The following PCDHGA12 variants were observed in gnomAD, a reference collection of about 807,000 sequenced individuals.
PCDHGA12 encodes the protein protocadherin gamma subfamily A, 12, also known as protocadherin gamma-A12.
In PCDHGA12, 43 loss-of-function variants were observed where a neutral mutation model predicts 61.1. The observed-to-expected ratio is 0.70, with a 90% CI of 0.55 to 0.91. PCDHGA12 has a LOEUF of 0.91. Among genes scored for constraint, PCDHGA12 ranks in the 40% least tolerant of loss-of-function variants. The pLI, the probability that PCDHGA12 is intolerant of heterozygous loss-of-function variation, is 0.00. For missense variants in PCDHGA12, 1,236 were observed against 1,227.7 expected (o/e 1.01, Z -0.10); for synonymous variants, 520 against 542.9 (o/e 0.96, Z 0.59).
chr5:141,445,305 T>C (rs899306819), intron 1 of PCDHGA12, among the ~76,000 whole-genome samples: 2 of 152,204 alleles, frequency 1.3e-5, no homozygotes, highest in Non-Finnish European at 1.5e-5. Context: ...TCTCTTCAGT[T>C]TGTAGGTTGA....
At chr5:141,474,252 A>T (rs1381172188) in intron 1 of PCDHGA12, among the ~76,000 whole-genome samples, 1 of 152,200 alleles carries the variant, frequency 6.6e-6, no homozygotes, top group Non-Finnish European at 1.5e-5. Flanking sequence ...GGAAAAAAAG[A>T]CTGATAAACC....
At chr5:141,447,238 C>G (rs1028683423) in intron 1 of PCDHGA12, among the ~76,000 whole-genome samples, 2 of 152,148 alleles carry the variant, frequency 1.3e-5, no homozygotes, top group Non-Finnish European at 2.9e-5. Context: ...CTCCCGGGTT[C>G]AAGTGATTCT....
At chr5:141,437,338 C>T (rs1328789308) in intron 1 of PCDHGA12, among the ~76,000 whole-genome samples, 1 of 152,196 alleles carries the variant, frequency 6.6e-6, no homozygotes, top group Non-Finnish European at 1.5e-5. Flanking sequence ...TGTAGCTTCA[C>T]TGTTTTATAG....
At chr5:141,463,168 T>C (rs74924211) in intron 1 of PCDHGA12, among the ~76,000 whole-genome samples, 6,974 of 152,254 alleles carry the variant, frequency 0.046, 178 homozygotes, top group Middle Eastern at 0.082. Context: ...GTGCACTCTA[T>C]GTATGCTCAG....
In PCDHGA12 at chr5:141,487,218, C is replaced by G. The variant is rs2099641338; in HGVS notation, c.2425-7589C>G. The stretch of plus-strand genomic sequence containing the variant: ...CCAGATCTTCGAGAATCTTCAGCTC[C>G]AAGGGAAGGAGAATCTCGTCTAACC... On this transcript the variant is annotated intron_variant, in intron 1 of 3. Transcript: ENST00000252085. The surrounding 1 kb of genome is among the most constrained non-coding windows in gnomAD (Gnocchi z 5.0). 1 of 1,613,820 alleles carries G rather than the reference C, an allele frequency of 6.2e-7. No homozygotes were observed. The highest frequency in any genetic ancestry group is 1.1e-5 in the South Asian group (1 of 91,078).
At chr5:141,505,536 C>T (rs749205049) in intron 3 of PCDHGA12, 55 bp downstream of exon 3, 9 of 1,610,164 alleles carry the variant, frequency 5.6e-6, no homozygotes, top group Non-Finnish European at 7.6e-6. Context: ...TTCTGGGGTG[C>T]ATCTCACAGC....
rs560662076 is a variant in PCDHGA12, at chr5:141,498,856, C to A, written c.2483+3991C>A. Among the ~76,000 whole-genome samples, 72 of 152,004 alleles carry A rather than the reference C, an allele frequency of 4.7e-4. 2 individuals carry two copies. Among genetic ancestry groups the A allele is most frequent in the African/African-American group, 1.7e-3 (69 of 41,430 alleles). ...GCTGAGGCAGGGGAATCGCTTGAACCCAGGAGGCGGAGGTTGCAGTGAGCT... is the reference window on the plus strand; with the variant it reads ...GCTGAGGCAGGGGAATCGCTTGAACACAGGAGGCGGAGGTTGCAGTGAGCT... On this transcript the variant is annotated intron_variant, in intron 2 of 3. Coordinates refer to ENST00000252085, the MANE Select transcript of PCDHGA12 (RefSeq NM_003735.3).
At chr5:141,435,054 C>A (rs891988253) in intron 1 of PCDHGA12, among the ~76,000 whole-genome samples, 7 of 151,964 alleles carry the variant, frequency 4.6e-5, no homozygotes, top group Admixed American at 1.3e-4. Context: ...ATTGACCATG[C>A]AGCAGTTTTG....
chr5:141,482,248 C>G (rs1056466272), intron 1 of PCDHGA12, among the ~76,000 whole-genome samples: 1 of 152,084 alleles, frequency 6.6e-6, no homozygotes, highest in African/African-American at 2.4e-5. Context: ...AAGTATAGTA[C>G]TGTACATATT....
Position 141,487,779 on chromosome 5 carries a change from T to C in PCDHGA12, c.2425-7028T>C, listed in dbSNP as rs1269811316. On this transcript the variant is annotated intron_variant, in intron 1 of 3. Coordinates refer to ENST00000252085, the MANE Select transcript of PCDHGA12 (RefSeq NM_003735.3). This position sits in a 1 kb window ranked among gnomAD's most constrained non-coding sequence, Gnocchi z 5.0. ...GTAGACGCTGTGCTTTGTAACTGTT[T>C]CGTGAATTAACCAGAGTTGTCACAG... is the stretch of plus-strand genomic sequence containing the variant. 2.6e-6 allele frequency: 4 copies of C among 1,530,492 alleles called. No individual in the cohort carries two copies. The highest frequency in any genetic ancestry group is 2.6e-6 in the Non-Finnish European group (3 of 1,133,212). The allele number at this position is 1,530,492 out of a possible 1,614,324, so 94.8% of individuals were successfully genotyped here. A position where few individuals can be genotyped will look rare whatever the true frequency, so the allele number is the denominator to read the frequency against.
chr5:141,432,215 C>T lies in PCDHGA12; in HGVS notation c.1456C>T (p.Gln486Ter). The T allele has an allele frequency of 1.9e-6, 3 of 1,614,228 alleles. No individual in the cohort carries two copies. The highest frequency in any genetic ancestry group is 2.5e-6 in the Non-Finnish European group (3 of 1,180,036). The stretch of plus-strand genomic sequence containing the variant: ...CGACCCCGACTGTGAAGAGAACGCC[C>T]AGATCACTTATTCCCTGGCTGAGAA... ...AHDPDCEENAQITYSLAENTI... is the reference protein window; with the variant it reads ...AHDPDCEENA Residue 486 changes from glutamine to a stop codon, truncating the protein, a stop_gained, in exon 1 of 4, where the codon CAG (glutamine) becomes TAG (stop). Transcript: ENST00000252085. LOFTEE classifies it high-confidence loss of function. This position sits in a 1 kb window ranked among gnomAD's most constrained non-coding sequence, Gnocchi z 6.0.
rs777487681 is a variant in PCDHGA12, at chr5:141,432,809, T to C, written c.2050T>C (p.Ser684Pro). 2.5e-6 allele frequency: 4 copies of C among 1,613,280 alleles called. No individual in the cohort carries two copies. In the African/African-American group the frequency reaches 5.4e-5, roughly 22 times the overall value. ...DLGSLESPAN[S>P]ETSDLTLYLV... The stretch of plus-strand genomic sequence containing the variant: ...CGGCAGCCTCGAGTCTCCAGCTAAC[T>C]CTGAAACCTCAGACCTCACTCTGTA... Residue 684 changes from serine (S) to proline (P), a missense_variant, in exon 1 of 4, where the codon TCT becomes CCT. Coordinates refer to ENST00000252085, the MANE Select transcript of PCDHGA12 (RefSeq NM_003735.3). The surrounding 1 kb of genome is among the most constrained non-coding windows in gnomAD (Gnocchi z 6.0).
chr5:141,447,514 C>T (rs901543835), intron 1 of PCDHGA12, among the ~76,000 whole-genome samples: 20 of 152,196 alleles, frequency 1.3e-4, no homozygotes, highest in Admixed American at 8.5e-4. Context: ...AGATGCATAA[C>T]AATCATAACA....
At position 141,430,881 on chromosome 5, in the gene PCDHGA12, A is replaced by G; in HGVS notation, c.122A>G (p.Lys41Arg). The part of the protein sequence containing the change: ...IRYSVPEELE[K>R]GSRVGDISRD... ...TATTCAGTTCCGGAAGAGCTGGAGAAAGGCTCTAGGGTGGGCGACATCTCC... is the reference window on the plus strand; with the variant it reads ...TATTCAGTTCCGGAAGAGCTGGAGAGAGGCTCTAGGGTGGGCGACATCTCC... Residue 41 changes from lysine to arginine, a missense_variant, in exon 1 of 4, where the codon AAA becomes AGA. Coordinates refer to ENST00000252085, the MANE Select transcript of PCDHGA12 (RefSeq NM_003735.3). The G allele has an allele frequency of 2.5e-6, 4 of 1,600,896 alleles. No individual in the cohort carries two copies. The highest frequency in any genetic ancestry group is 3.4e-6 in the Non-Finnish European group (4 of 1,174,978).
chr5:141,468,300 G>C (rs2099162063), intron 1 of PCDHGA12, among the ~76,000 whole-genome samples: 1 of 146,430 alleles, frequency 6.8e-6, no homozygotes, highest in Non-Finnish European at 1.5e-5. Flanking sequence ...ACCCCAGCCT[G>C]GGCAACAAGA....
intron 1 of PCDHGA12, among the ~76,000 whole-genome samples, chr5:141,467,938 C>A (rs527892047): frequency 9.8e-5 from 15 of 152,304 alleles, no homozygotes; most frequent in Non-Finnish European, 1.5e-4. Flanking sequence ...GGATTACAAG[C>A]ATGAGCCACC....
rs2099750805 is a variant in PCDHGA12, at chr5:141,493,915, T to C, written c.2425-892T>C. ...TGCTCCATGAGAGTGTGTGATGGGA[T>C]AACACACCCCCTGGAAAGACCAGAA... On this transcript the variant is annotated intron_variant, in intron 1 of 3. Transcript: ENST00000252085. This position sits in a 1 kb window ranked among gnomAD's most constrained non-coding sequence, Gnocchi z 4.3. Among the ~76,000 whole-genome samples, 1 of 152,024 alleles carries C rather than the reference T, an allele frequency of 6.6e-6. No homozygotes were observed. Among genetic ancestry groups the C allele is most frequent in the African/African-American group, 2.4e-5 (1 of 41,386 alleles).
intron 1 of PCDHGA12, among the ~76,000 whole-genome samples, chr5:141,469,909 C>G (rs760329158): frequency 2.0e-5 from 3 of 152,120 alleles, no homozygotes; most frequent in Non-Finnish European, 2.9e-5. Context: ...GGCAGGCAGA[C>G]CACCCGAGGT....
chr5:141,454,796 A>ATTTTTCT (rs2098799790), intron 1 of PCDHGA12, among the ~76,000 whole-genome samples: 1 of 77,408 alleles, frequency 1.3e-5, no homozygotes, highest in African/African-American at 5.9e-5. Context: ...CATGGTTCTA[A>ATTTTTCT]TTTTTTTTTT....
Sources: allele counts gnomAD v4.1 joint callset (sites outside exome capture counted in the v4.1 genomes callset), GRCh38; gene constraint gnomAD v4.1.1; non-coding constraint Gnocchi (gnomAD v3.1); transcripts MANE v1.5; gene names NCBI Gene and HGNC (gene_info 2026-07-23, HGNC 2026-07-21).